The following CSNK2A1 variants were observed in gnomAD, a reference collection of about 807,000 sequenced individuals.
The protein encoded by CSNK2A1 is casein kinase II subunit alpha.
Under a neutral mutation model 62.9 loss-of-function variants are expected in CSNK2A1, and 10 were observed. The ratio of observed to expected loss-of-function variants is 0.16; its 90% CI spans 0.10 to 0.27. The LOEUF (loss-of-function observed/expected upper bound fraction) is 0.27, where lower values mean the gene tolerates loss of function less well. Ranked by LOEUF, CSNK2A1 falls within the 10% of genes least tolerant of loss-of-function variation. The pLI is 1.00. For missense variants in CSNK2A1, 160 were observed against 492.0 expected (o/e 0.33, Z 6.38); for synonymous variants, 124 against 167.8 (o/e 0.74, Z 2.02).
chr20:521,506 T>C (rs1227786971), intron 2 of CSNK2A1, among the ~76,000 whole-genome samples: 2 of 152,250 alleles, frequency 1.3e-5, no homozygotes, highest in East Asian at 3.8e-4. Flanking sequence ...CAGTTTCTTA[T>C]AGAGTTAAAC....
intron 1 of CSNK2A1, among the ~76,000 whole-genome samples, chr20:530,174 CCT>C (rs1236362176): frequency 6.6e-6 from 1 of 152,220 alleles, no homozygotes; most frequent in Non-Finnish European, 1.5e-5. Flanking sequence ...TTCCTACAAT[CCT>C]CTGGCAACCA....
At position 499,326 on chromosome 20, in the gene CSNK2A1, C is replaced by T. The variant is rs747677079; in HGVS notation, c.316-21G>A. On this transcript the variant is annotated intron_variant, in intron 5 of 13. Coordinates refer to ENST00000217244, the MANE Select transcript of CSNK2A1 (RefSeq NM_177559.3). This position sits in a 1 kb window ranked among gnomAD's most constrained non-coding sequence, Gnocchi z 4.2. ...CGTGACTAGGGGAAAAGAACAAAAA[C>T]AAAAACACACATTAGCAATAGCCCT... 1.2e-6 allele frequency: 2 copies of T among 1,604,044 alleles called. No individual in the cohort carries two copies. Among genetic ancestry groups the T allele is most frequent in the East Asian group, 2.2e-5 (1 of 44,740 alleles).
At chr20:520,946 G>A (rs1433505147) in intron 2 of CSNK2A1, among the ~76,000 whole-genome samples, 2 of 152,058 alleles carry the variant, frequency 1.3e-5, no homozygotes, top group Non-Finnish European at 2.9e-5. Context: ...TATAATCCCA[G>A]GCTGGGTGAC....
intron 1 of CSNK2A1, 92 bp from the exon 2 acceptor site, chr20:528,141 C>G (rs867786382): frequency 1.3e-4 from 20 of 152,298 alleles, no homozygotes; most frequent in African/African-American, 4.3e-4. Context: ...ACTAGAACCA[C>G]TACAACCTAC....
At chr20:541,777 G>A (rs1205803223) in intron 1 of CSNK2A1, among the ~76,000 whole-genome samples, 1 of 152,026 alleles carries the variant, frequency 6.6e-6, no homozygotes, top group African/African-American at 2.4e-5. Flanking sequence ...GTCACCTCAC[G>A]GGGACCTAAC....
At chr20:505,452 C>T (rs549930635) in intron 3 of CSNK2A1, among the ~76,000 whole-genome samples, 46 of 150,328 alleles carry the variant, frequency 3.1e-4, no homozygotes, top group East Asian at 1.4e-3. Flanking sequence ...CTCCACCTCC[C>T]GGGTTCACAC....
chr20:543,528 T>G, intron 1 of CSNK2A1, 144 bp downstream of exon 1: 4 of 386,158 alleles, frequency 1.0e-5, no homozygotes, highest in East Asian at 3.7e-5. Context: ...GGGCCTCGCT[T>G]GGTTTATGTG....
In CSNK2A1 at chr20:481,188, T is replaced by G. The variant is rs2017949469; in HGVS notation, c.*2773A>C. The G allele has an allele frequency of 6.6e-6, 1 of 152,148 alleles. No homozygotes were observed. The allele number at this position is 152,148 out of a possible 1,614,324, so 9.4% of individuals were successfully genotyped here. ...TCTTCCCAGCACAGTTATGGTTTAG[T>G]CATACCAATTACAATACAATTACAA... On this transcript the variant is annotated 3_prime_UTR_variant, in exon 14 of 14. Transcript: ENST00000217244.
chr20:498,506 A>AC (rs1315447765), intron 6 of CSNK2A1: 2 of 152,092 alleles, frequency 1.3e-5, no homozygotes, highest in Admixed American at 1.3e-4. Flanking sequence ...ATGCCCAGCC[A>AC]CAGGTACGTC....
intron 8 of CSNK2A1, among the ~76,000 whole-genome samples, chr20:493,952 T>A (rs1360101021): frequency 6.6e-6 from 1 of 152,194 alleles, no homozygotes; most frequent in Non-Finnish European, 1.5e-5. Flanking sequence ...AAATACTACT[T>A]CATAATAATA....
intron 1 of CSNK2A1, among the ~76,000 whole-genome samples, chr20:537,147 CACAAG>C (rs2019349698): frequency 6.6e-6 from 1 of 151,886 alleles, no homozygotes; most frequent in African/African-American, 2.4e-5. Flanking sequence ...CAGAAAAACC[CACAAG>C]ACAAGAAAGT....
intron 13 of CSNK2A1, among the ~76,000 whole-genome samples, chr20:485,261 G>A (rs2018072922): frequency 6.6e-6 from 1 of 150,454 alleles, no homozygotes; most frequent in Non-Finnish European, 1.5e-5. Flanking sequence ...TCGGCTCACT[G>A]CAACCTCTGC....
chr20:541,442 G>C (rs1349425557), intron 1 of CSNK2A1, among the ~76,000 whole-genome samples: 4 of 152,154 alleles, frequency 2.6e-5, no homozygotes, highest in East Asian at 1.9e-4. Context: ...TTCTTTAACA[G>C]AGTGTGAAGT....
At chr20:498,468 G>A (rs532425357) in intron 6 of CSNK2A1, 2 of 151,058 alleles carry the variant, frequency 1.3e-5, no homozygotes, top group East Asian at 1.9e-4. Flanking sequence ...AGCTTCCCCA[G>A]TAGCTAGGAC....
intron 2 of CSNK2A1, among the ~76,000 whole-genome samples, chr20:524,230 C>T (rs1403481842): frequency 6.6e-6 from 1 of 151,562 alleles, no homozygotes; most frequent in African/African-American, 2.4e-5. Context: ...TCAAAACCAC[C>T]CTGGCCAGTA....
chr20:512,540 C>CTTTA (rs1336197607), intron 2 of CSNK2A1, among the ~76,000 whole-genome samples: 2 of 152,260 alleles, frequency 1.3e-5, no homozygotes, highest in East Asian at 3.9e-4. Context: ...GTGTCGGCAG[C>CTTTA]TAAAGGCTTT....
At chr20:495,938 G>T in intron 7 of CSNK2A1, 136 bp from the exon 8 acceptor site, 1 of 667,082 alleles carries the variant, frequency 1.5e-6, no homozygotes, top group Non-Finnish European at 2.7e-6. Flanking sequence ...CACTTCCACA[G>T]CAATGCTTCA....
intron 12 of CSNK2A1, chr20:486,691 TA>T: frequency 8.1e-6 from 4 of 494,984 alleles, no homozygotes; most frequent in Non-Finnish European, 1.4e-5. Flanking sequence ...AATCAAATGG[TA>T]GAAAGATGAG....
chr20:497,151 A>T (rs1264736748), intron 7 of CSNK2A1, among the ~76,000 whole-genome samples: 1 of 151,976 alleles, frequency 6.6e-6, no homozygotes, highest in Non-Finnish European at 1.5e-5. Flanking sequence ...ATTATTATTA[A>T]TTTTTATTTA....
Sources: allele counts gnomAD v4.1 joint callset (sites outside exome capture counted in the v4.1 genomes callset), GRCh38; gene constraint gnomAD v4.1.1; non-coding constraint Gnocchi (gnomAD v3.1); transcripts MANE v1.5; gene names NCBI Gene and HGNC (gene_info 2026-07-23, HGNC 2026-07-21).